SLC48A1: variants seen among roughly 807,000 people sequenced by gnomAD.
SLC48A1 encodes the protein solute carrier family 48 member 1.
Under a neutral mutation model 14.8 loss-of-function variants are expected in SLC48A1, and 6 were observed. The ratio of observed to expected loss-of-function variants is 0.41; its 90% CI spans 0.22 to 0.80. The LOEUF (loss-of-function observed/expected upper bound fraction) is 0.80, where lower values mean the gene tolerates loss of function less well. Ranked by LOEUF, SLC48A1 falls within the 30% of genes least tolerant of loss-of-function variation. The pLI, the probability that SLC48A1 is intolerant of heterozygous loss-of-function variation, is 0.34. For synonymous variants in SLC48A1, 89 were observed against 90.0 expected (o/e 0.99, Z 0.06); for missense variants, 165 against 204.8 (o/e 0.81, Z 1.19).
intron 2 of SLC48A1, among the ~76,000 whole-genome samples, chr12:47,760,943 T>C (rs1049621958): frequency 6.6e-6 from 1 of 152,150 alleles, no homozygotes; most frequent in Non-Finnish European, 1.5e-5. Flanking sequence ...ACGCCTGTAA[T>C]CCCAACACCT....
upstream of SLC48A1, among the ~76,000 whole-genome samples, chr12:47,768,000 C>T (rs142096752): frequency 7.0e-3 from 1,060 of 151,934 alleles, 11 homozygotes; most frequent in Admixed American, 0.013. Flanking sequence ...TTTCTTGAGA[C>T]GGAGTCTCAC....
chr12:47,768,908 C>G (rs1942571558), upstream of SLC48A1: 1 of 152,230 alleles, frequency 6.6e-6, no homozygotes, highest in East Asian at 1.9e-4. Flanking sequence ...TAACAAGCAA[C>G]TGAGCTGTAA....
At chr12:47,758,623 C>A in exon 1 of SLC48A1, 3 of 1,608,152 alleles carry the variant, frequency 1.9e-6, no homozygotes, top group Non-Finnish European at 2.5e-6. Flanking sequence ...CAGCGACCCC[C>A]ATCAGCTTTG....
chr12:47,754,612 T>C (rs1403817150), upstream of SLC48A1, among the ~76,000 whole-genome samples: 2 of 152,224 alleles, frequency 1.3e-5, no homozygotes, highest in African/African-American at 4.8e-5. Flanking sequence ...CAAAGGGTTA[T>C]GAGGATCAAA....
chr12:47,758,657 G>A, exon 1 of SLC48A1: 1 of 1,582,946 alleles, frequency 6.3e-7, no homozygotes, highest in South Asian at 1.2e-5. Flanking sequence ...GAGGGTGCCA[G>A]TGGGTAAGTC....
chr12:47,762,204 C>T (rs563171839), intron 2 of SLC48A1, among the ~76,000 whole-genome samples: 4 of 152,188 alleles, frequency 2.6e-5, no homozygotes, highest in African/African-American at 9.6e-5. Flanking sequence ...CAGCGGCTCC[C>T]ATGGATAGCT....
chr12:47,756,423 G>A (rs1056899788), upstream of SLC48A1: 8 of 152,356 alleles, frequency 5.3e-5, no homozygotes, highest in Admixed American at 4.6e-4. Flanking sequence ...GTGACCCGGA[G>A]AGCGGAGAGC....
intron 1 of SLC48A1, chr12:47,759,102 G>A (rs1488512162): frequency 1.0e-5 from 10 of 984,472 alleles, no homozygotes; most frequent in Non-Finnish European, 1.2e-5. Flanking sequence ...GAGCGGCCCC[G>A]AAGTGTGTGG....
At chr12:47,773,057 G>C (rs1942659210), upstream of SLC48A1, 1 of 414,302 alleles carries the variant, frequency 2.4e-6, no homozygotes, top group Admixed American at 6.4e-5. Context: ...CCAGGAATCC[G>C]CCTTTTTAGC....
chr12:47,774,027 T>G (rs1173218667), intron 1 of SLC48A1, among the ~76,000 whole-genome samples: 1 of 152,222 alleles, frequency 6.6e-6, no homozygotes, highest in African/African-American at 2.4e-5. Flanking sequence ...GTTAGGGATC[T>G]CATAGAAACT....
chr12:47,759,795 C>T (rs909525921), intron 1 of SLC48A1, among the ~76,000 whole-genome samples: 3 of 152,216 alleles, frequency 2.0e-5, no homozygotes, highest in Non-Finnish European at 4.4e-5. Flanking sequence ...AGGAGGTGAA[C>T]GCCCCACCCC....
chr12:47,779,013 G>A lies in SLC48A1; in HGVS notation c.137-15G>A, dbSNP rs1369366988. 1 of 1,550,652 alleles carries A rather than the reference G, an allele frequency of 6.4e-7. No homozygotes were observed. Among genetic ancestry groups the A allele is most frequent in the Non-Finnish European group, 8.7e-7 (1 of 1,146,434 alleles). On this transcript the variant is annotated splice_polypyrimidine_tract_variant and intron_variant, in intron 1 of 2. Coordinates refer to ENST00000442218, the MANE Select transcript of SLC48A1 (RefSeq NM_017842.3). ...GAGCACCCTGGGGATGGGCCCTGAT[G>A]TGTCTCTCCTGCAGGGGTGCTGGCA...
At chr12:47,774,125 A>T (rs539752256) in intron 1 of SLC48A1, among the ~76,000 whole-genome samples, 5 of 152,326 alleles carry the variant, frequency 3.3e-5, no homozygotes. Flanking sequence ...CCTGCAGGCC[A>T]GCCGCCCTTT....
intron 2 of SLC48A1, among the ~76,000 whole-genome samples, chr12:47,760,915 G>A (rs1942362528): frequency 6.6e-6 from 1 of 152,186 alleles, no homozygotes; most frequent in South Asian, 2.1e-4. Context: ...GGAAAATTGA[G>A]GCCGGGTGCG....
chr12:47,779,125 C>A lies in SLC48A1; in HGVS notation c.234C>A (p.Gly78=). The change falls in exon 2 of 3, where the codon GGC becomes GGA. Residue 78 remains glycine, a synonymous_variant. Coordinates refer to ENST00000442218, the MANE Select transcript of SLC48A1 (RefSeq NM_017842.3). ...GGCTGCGCGGCTTCTTCTTCGTGGG[C>A]GTCCTCTTCTCGGCCGTCTCCATCG... ...LKGLRGFFFV[G]VLFSAVSIAA... 1 of 1,551,864 alleles carries A rather than the reference C, an allele frequency of 6.4e-7. No individual in the cohort carries two copies. The highest frequency in any genetic ancestry group is 8.7e-7 in the Non-Finnish European group (1 of 1,147,048).
At chr12:47,772,388 AG>A (rs1410549110), upstream of SLC48A1, 1 of 154,186 alleles carries the variant, frequency 6.5e-6, no homozygotes, top group Non-Finnish European at 1.5e-5. Context: ...AGGAAAGGTG[AG>A]GTCCGTTGCA....
In SLC48A1 at chr12:47,780,876, T is replaced by C. The variant is rs1390746732; in HGVS notation, c.*595T>C. ...GCCACCGTGCCCGGCCTGGATCTGT[T>C]TTCTTAGCACGCAGTGAGGAATCTT... is the stretch of plus-strand genomic sequence containing the variant. On this transcript the variant is annotated 3_prime_UTR_variant, in exon 3 of 3. Coordinates refer to ENST00000442218, the MANE Select transcript of SLC48A1 (RefSeq NM_017842.3). 1.9e-6 allele frequency: 1 copy of C among 532,230 alleles called. No individual in the cohort carries two copies. The highest frequency in any genetic ancestry group is 3.8e-6 in the Non-Finnish European group (1 of 259,898). The allele number at this position is 532,230 out of a possible 1,614,324, so 33.0% of individuals were successfully genotyped here.
chr12:47,762,222 G>T (rs1044017077), intron 2 of SLC48A1, among the ~76,000 whole-genome samples: 2 of 152,118 alleles, frequency 1.3e-5, no homozygotes, highest in African/African-American at 4.8e-5. Context: ...GCTCAGGAGG[G>T]TGGGAAGGTG....
At chr12:47,780,117 G>A in intron 2 of SLC48A1, 28 bp from the exon 3 acceptor site, 1 of 1,524,212 alleles carries the variant, frequency 6.6e-7, no homozygotes, top group Non-Finnish European at 8.8e-7. Flanking sequence ...GCCTGCCAAA[G>A]TCACTGTCGG....
Sources: gnomAD v4.1 joint callset for allele counts (sites outside exome capture counted in the v4.1 genomes callset) on GRCh38, gnomAD v4.1.1 for gene constraint, MANE v1.5 for transcripts, NCBI Gene and HGNC (gene_info 2026-07-23, HGNC 2026-07-21) for gene names.